Variants in PTBP3 observed in about 807,000 individuals in gnomAD.
PTBP3 encodes the protein polypyrimidine tract-binding protein 3.
A neutral mutation model predicts 58.7 loss-of-function variants in PTBP3; 20 were observed. That is an observed-to-expected ratio of 0.34 (90% CI 0.24 to 0.50). PTBP3 has a LOEUF of 0.50. PTBP3 is among the 20% of genes least tolerant of loss of function. PTBP3 has a pLI of 0.98. For synonymous variants in PTBP3, 185 were observed against 219.8 expected (o/e 0.84, Z 1.40); for missense variants, 509 against 637.2 (o/e 0.80, Z 2.17).
At chr9:112,298,622 T>C (rs1828792955) in intron 1 of PTBP3, 1 of 467,128 alleles carries the variant, frequency 2.1e-6, no homozygotes, top group Non-Finnish European at 4.2e-6. Flanking sequence ...ATAGTACTAT[T>C]GGTTTACCTT....
intron 5 of PTBP3, among the ~76,000 whole-genome samples, chr9:112,259,083 C>G (rs1466879921): frequency 6.6e-6 from 1 of 152,108 alleles, no homozygotes; most frequent in Non-Finnish European, 1.5e-5. Context: ...TCCTGAGTAG[C>G]TGGGACTACA....
At chr9:112,252,454 G>C (rs1836164885) in intron 6 of PTBP3, 2 of 509,912 alleles carry the variant, frequency 3.9e-6, no homozygotes, top group Admixed American at 3.6e-5. Flanking sequence ...CTGCGTCTCA[G>C]AGATGTGAGA....
At chr9:112,364,193 T>C in the PTBP3 span, among the ~76,000 whole-genome samples, 1 of 145,710 alleles carries the variant, frequency 6.9e-6, no homozygotes, top group Non-Finnish European at 1.5e-5. Flanking sequence ...TTTTTTTTTT[T>C]TTTTTTTTTT....
Position 112,228,981 on chromosome 9 carries a change from T to C in PTBP3, c.1055-509A>G, listed in dbSNP as rs569159555. Among the ~76,000 whole-genome samples, 4 of 152,306 alleles carry C rather than the reference T, an allele frequency of 2.6e-5. No individual in the cohort carries two copies. The East Asian group carries it at 7.7e-4, about 29-fold the overall frequency. On this transcript the variant is annotated intron_variant, in intron 10 of 13. Coordinates refer to ENST00000374257, the MANE Select transcript of PTBP3 (RefSeq NM_001163788.4). ...CCTAATTGATCCTAACTCATCTTAT[T>C]ACCCTCGATTTTTCTACCCTAGTGT...
chr9:112,222,516 T>C lies in PTBP3; in HGVS notation c.*1335A>G. The stretch of plus-strand genomic sequence containing the variant: ...ATTGCACTCTACAGCCCCAAATTGA[T>C]ATGCAATAACCCCTATCAGTCACAA... On this transcript the variant is annotated 3_prime_UTR_variant, in exon 14 of 14. Transcript: ENST00000374257. The C allele has an allele frequency of 1.0e-6, 1 of 985,630 alleles. No homozygotes were observed. Among genetic ancestry groups the C allele is most frequent in the Non-Finnish European group, 1.2e-6 (1 of 829,898 alleles). 61.1% of individuals were successfully genotyped at this position (985,630 alleles called of 1,614,324 possible). A position where few individuals can be genotyped will look rare whatever the true frequency, so the allele number is the denominator to read the frequency against.
intron 2 of PTBP3, among the ~76,000 whole-genome samples, chr9:112,284,494 G>A (rs766501409): frequency 1.8e-4 from 27 of 152,096 alleles, no homozygotes; most frequent in Non-Finnish European, 3.4e-4. Flanking sequence ...CTGGGAGTTC[G>A]AGACCAGCCT....
chr9:112,280,220 A>G (rs1827795708), intron 2 of PTBP3, among the ~76,000 whole-genome samples: 1 of 152,026 alleles, frequency 6.6e-6, no homozygotes, highest in South Asian at 2.1e-4. Context: ...ACGCCCAGCT[A>G]ATTTTTGTAT....
chr9:112,280,447 C>G (rs892258335), intron 2 of PTBP3, among the ~76,000 whole-genome samples: 2 of 152,280 alleles, frequency 1.3e-5, no homozygotes, highest in Admixed American at 1.3e-4. Context: ...TAAGACTAGG[C>G]ATCCTTGCCT....
chr9:112,306,605 T>TATATATA (rs746604981), intron 1 of PTBP3, among the ~76,000 whole-genome samples: 2,868 of 93,614 alleles, frequency 0.031, 56 homozygotes, highest in South Asian at 0.12. Context: ...TATATATATA[T>TATATATA]TTTTGTTTGT....
chr9:112,274,142 A>G (rs1217839082), intron 3 of PTBP3, among the ~76,000 whole-genome samples: 2 of 152,224 alleles, frequency 1.3e-5, no homozygotes, highest in East Asian at 3.8e-4. Context: ...ATGTGGAAAT[A>G]CAACAAGGGC....
intron 5 of PTBP3, among the ~76,000 whole-genome samples, chr9:112,261,131 G>A (rs1836577698): frequency 6.6e-6 from 1 of 152,202 alleles, no homozygotes; most frequent in African/African-American, 2.4e-5. Context: ...ATAAACAGAA[G>A]AGAAGAAAAT....
intron 2 of PTBP3, chr9:112,280,946 T>A (rs992199423): frequency 6.6e-6 from 1 of 152,128 alleles, no homozygotes; most frequent in African/African-American, 2.4e-5. Flanking sequence ...ATGGGCAGCT[T>A]CATATTGATG....
At chr9:112,250,481 GAAACA>G (rs140708392) in intron 7 of PTBP3, among the ~76,000 whole-genome samples, 41,057 of 151,690 alleles carry the variant, frequency 0.27, 6,571 homozygotes, top group South Asian at 0.4. Flanking sequence ...TGAAGTTTAG[GAAACA>G]AAACAAAATA....
At chr9:112,291,488 C>T (rs983568691) in intron 2 of PTBP3, among the ~76,000 whole-genome samples, 1 of 152,138 alleles carries the variant, frequency 6.6e-6, no homozygotes, top group African/African-American at 2.4e-5. Context: ...TATAGTAATT[C>T]AAACAGTATG....
intron 2 of PTBP3, among the ~76,000 whole-genome samples, chr9:112,278,756 A>G (rs1827731884): frequency 6.6e-6 from 1 of 152,210 alleles, no homozygotes; most frequent in African/African-American, 2.4e-5. Context: ...AAGTTATTTA[A>G]CGTTACTAAG....
At chr9:112,287,499 C>A (rs112833213) in intron 2 of PTBP3, among the ~76,000 whole-genome samples, 2,178 of 151,926 alleles carry the variant, frequency 0.014, 64 homozygotes, top group African/African-American at 0.05. Context: ...CACCACCACG[C>A]CCGGCTAATT....
intron 3 of PTBP3, among the ~76,000 whole-genome samples, chr9:112,273,959 C>T (rs1827500853): frequency 1.3e-5 from 2 of 152,192 alleles, no homozygotes; most frequent in South Asian, 4.1e-4. Context: ...GTAGCAGAGA[C>T]AAAGAAAATT....
At chr9:112,264,470 C>T (rs1435563327) in intron 4 of PTBP3, among the ~76,000 whole-genome samples, 1 of 152,154 alleles carries the variant, frequency 6.6e-6, no homozygotes, top group East Asian at 1.9e-4. Context: ...TTAATATTCA[C>T]CTGACCTTCT....
At chr9:112,293,521 A>T (rs1564440839) in intron 2 of PTBP3, among the ~76,000 whole-genome samples, 1 of 152,208 alleles carries the variant, frequency 6.6e-6, no homozygotes, top group African/African-American at 2.4e-5. Context: ...AACTCCCTCA[A>T]TTATGATTAG....
Sources: allele counts gnomAD v4.1 joint callset (sites outside exome capture counted in the v4.1 genomes callset), GRCh38; gene constraint gnomAD v4.1.1; transcripts MANE v1.5; gene names NCBI Gene and HGNC (gene_info 2026-07-23, HGNC 2026-07-21).